The following PLXDC1 variants were observed in gnomAD, a reference collection of about 807,000 sequenced individuals.
PLXDC1 encodes plexin domain containing 1.
A neutral mutation model predicts 61.3 loss-of-function variants in PLXDC1; 39 were observed. The observed-to-expected ratio is 0.64, with a 90% CI of 0.49 to 0.83. The LOEUF (loss-of-function observed/expected upper bound fraction) is 0.83. PLXDC1 is among the 40% of genes least tolerant of loss of function. PLXDC1 has a pLI of 0.00. For synonymous variants in PLXDC1, 212 were observed against 254.5 expected, an observed-to-expected ratio of 0.83 and a Z score of 1.59; for missense variants, 596 against 666.5, an observed-to-expected ratio of 0.89 and a Z score of 1.17.
At chr17:39,143,834 G>A (rs1253831936) in intron 1 of PLXDC1, among the ~76,000 whole-genome samples, 1 of 152,146 alleles carries the variant, frequency 6.6e-6, no homozygotes, top group Non-Finnish European at 1.5e-5. Flanking sequence ...ATGAGTCCAG[G>A]GCTGGGAAGG....
chr17:39,084,108 G>A (rs1325007502), intron 8 of PLXDC1, among the ~76,000 whole-genome samples: 1 of 152,214 alleles, frequency 6.6e-6, no homozygotes, highest in Non-Finnish European at 1.5e-5. Context: ...ACAAGGTGCT[G>A]TAAGTGTGTA....
At chr17:39,090,761 G>A (rs536174160) in intron 7 of PLXDC1, among the ~76,000 whole-genome samples, 12 of 152,226 alleles carry the variant, frequency 7.9e-5, no homozygotes, top group Admixed American at 4.6e-4. Flanking sequence ...GAGACTCTAG[G>A]GCATTTTCAG....
At chr17:39,090,533 G>A (rs753418346) in intron 7 of PLXDC1, among the ~76,000 whole-genome samples, 9 of 152,170 alleles carry the variant, frequency 5.9e-5, no homozygotes, top group Non-Finnish European at 7.4e-5. Context: ...TAGGGTTGCC[G>A]CAGCTGGGCA....
intron 2 of PLXDC1, among the ~76,000 whole-genome samples, chr17:39,114,815 G>A (rs916733006): frequency 2.0e-5 from 3 of 152,176 alleles, no homozygotes; most frequent in Admixed American, 6.5e-5. Flanking sequence ...TGTTTAAGAC[G>A]GTTGCTTTGA....
At chr17:39,135,043 T>C (rs1438007381) in intron 2 of PLXDC1, among the ~76,000 whole-genome samples, 6 of 152,250 alleles carry the variant, frequency 3.9e-5, no homozygotes, top group Admixed American at 2.0e-4. Context: ...TCCCAACTCA[T>C]TCTAAACTTA....
At chr17:39,076,077 G>GAAAAAAAA (rs71352340) in intron 11 of PLXDC1, among the ~76,000 whole-genome samples, 1 of 82,404 alleles carries the variant, frequency 1.2e-5, no homozygotes, top group East Asian at 3.1e-4. Flanking sequence ...GACTAAGTCT[G>GAAAAAAAA]AAAAAAAAAA....
rs538495050 is a variant in PLXDC1, at chr17:39,091,443, G to A, written c.812-3741C>T. On this transcript the variant is annotated intron_variant, in intron 7 of 13. Transcript: ENST00000315392. ...TTCGCCCGACTCCTGCACTGGAGCC[G>A]GATGGTTTAGAATGAGATCCAGGCC... is the stretch of plus-strand genomic sequence containing the variant. 3.0e-3 allele frequency among the ~76,000 whole-genome samples: 455 copies of A among 152,198 alleles called. 1 individual carries two copies. The highest frequency in any genetic ancestry group is 4.6e-3 in the Admixed American group (70 of 15,284).
rs928664344 is a variant in PLXDC1, at chr17:39,067,474, T to C, written c.*366A>G. The C allele has an allele frequency of 1.7e-5, 3 of 171,676 alleles. No individual in the cohort carries two copies. The highest frequency in any genetic ancestry group is 3.7e-5 in the Non-Finnish European group (3 of 80,688). The allele number at this position is 171,676 out of a possible 1,614,324, so 10.6% of individuals were successfully genotyped here. ...GCATGATTCCTGTTTTTGCGTTTTA[T>C]GTCAGTGCTCTAAAGTTATCCTAGC... On this transcript the variant is annotated 3_prime_UTR_variant, in exon 14 of 14. Transcript: ENST00000315392.
At chr17:39,141,768 C>T (rs1840439793) in intron 1 of PLXDC1, among the ~76,000 whole-genome samples, 2 of 152,096 alleles carry the variant, frequency 1.3e-5, no homozygotes, top group Non-Finnish European at 2.9e-5. Context: ...TTTTACATTC[C>T]CACCAACCGT....
At chr17:39,069,728 T>G in intron 13 of PLXDC1, 128 bp downstream of exon 13, 1 of 702,178 alleles carries the variant, frequency 1.4e-6, no homozygotes, top group Non-Finnish European at 2.4e-6. Context: ...TGTGCCAGGA[T>G]GGGGTGGATG....
intron 2 of PLXDC1, among the ~76,000 whole-genome samples, chr17:39,125,275 G>A (rs984703782): frequency 2.0e-5 from 3 of 152,330 alleles, no homozygotes; most frequent in Admixed American, 2.0e-4. Flanking sequence ...ACCCTGCAAG[G>A]GGAGATCCAG....
chr17:39,112,454 TTTC>T (rs1910840240), intron 2 of PLXDC1, among the ~76,000 whole-genome samples: 2 of 107,344 alleles, frequency 1.9e-5, no homozygotes, highest in South Asian at 6.2e-4. Flanking sequence ...TTTTTTTTTC[TTTC>T]TTTTTTTTTT....
At chr17:39,120,327 T>A (rs1238986859) in intron 2 of PLXDC1, among the ~76,000 whole-genome samples, 1 of 151,952 alleles carries the variant, frequency 6.6e-6, no homozygotes, top group South Asian at 2.1e-4. Context: ...AAATTTTGTA[T>A]TTTTAGTAGA....
chr17:39,145,776 A>G (rs986957040), intron 1 of PLXDC1, among the ~76,000 whole-genome samples: 3 of 152,226 alleles, frequency 2.0e-5, no homozygotes, highest in African/African-American at 7.2e-5. Flanking sequence ...CAGACAAGCT[A>G]GACACTGAAC....
intron 7 of PLXDC1, among the ~76,000 whole-genome samples, chr17:39,098,648 C>CCG (rs1555571460): frequency 6.6e-6 from 1 of 152,082 alleles, no homozygotes; most frequent in African/African-American, 2.4e-5. Context: ...AGCGAAGTGC[C>CCG]GGGGGGAAGA....
intron 1 of PLXDC1, among the ~76,000 whole-genome samples, chr17:39,147,352 C>T (rs2045349086): frequency 6.6e-6 from 1 of 152,028 alleles, no homozygotes; most frequent in Non-Finnish European, 1.5e-5. Context: ...CCACCCCAAA[C>T]CCCATAAAAC....
At chr17:39,147,386 C>T (rs1048656814) in intron 1 of PLXDC1, among the ~76,000 whole-genome samples, 11 of 152,140 alleles carry the variant, frequency 7.2e-5, no homozygotes, top group Non-Finnish European at 1.2e-4. Context: ...TGCTGCCCCA[C>T]GATGATGAAA....
intron 7 of PLXDC1, among the ~76,000 whole-genome samples, chr17:39,094,747 T>C (rs576642895): frequency 1.3e-5 from 2 of 152,298 alleles, no homozygotes; most frequent in African/African-American, 4.8e-5. Context: ...CAGCAACTTA[T>C]AACGTCAGCC....
intron 7 of PLXDC1, among the ~76,000 whole-genome samples, chr17:39,088,583 C>A (rs1909827974): frequency 6.6e-6 from 1 of 152,138 alleles, no homozygotes; most frequent in Non-Finnish European, 1.5e-5. Flanking sequence ...TCTGATACTT[C>A]TCTCTAGGCC....
Sources: allele counts gnomAD v4.1 joint callset (sites outside exome capture counted in the v4.1 genomes callset), GRCh38; gene constraint gnomAD v4.1.1; transcripts MANE v1.5; gene names NCBI Gene and HGNC (gene_info 2026-07-23, HGNC 2026-07-21).